Variants in TRIM43B observed in about 807,000 individuals in gnomAD.
TRIM43B encodes tripartite motif-containing protein 43B.
TRIM43B carries 15 observed loss-of-function variants against 27.0 expected under a neutral mutation model. That is an observed-to-expected ratio of 0.55 (90% CI 0.37 to 0.85). The LOEUF (loss-of-function observed/expected upper bound fraction) is 0.85, where lower values mean the gene tolerates loss of function less well. Ranked by LOEUF, TRIM43B falls within the 40% of genes least tolerant of loss-of-function variation. The pLI, the probability that TRIM43B is intolerant of heterozygous loss-of-function variation, is 0.00. For synonymous variants in TRIM43B, 69 were observed against 97.8 expected, an observed-to-expected ratio of 0.71 and a Z score of 1.74; for missense variants, 172 against 289.8, an observed-to-expected ratio of 0.59 and a Z score of 2.95.
intron 1 of TRIM43B, among the ~76,000 whole-genome samples, chr2:95,483,155 C>T (rs1034430398): frequency 6.6e-5 from 10 of 152,100 alleles, no homozygotes; most frequent in African/African-American, 1.7e-4. Context: ...TTAACTATAA[C>T]AACCATCCAT....
In TRIM43B at chr2:95,481,628, T is replaced by G. The variant is rs760824293; in HGVS notation, c.474A>C (p.Leu158=). 8.1e-6 allele frequency: 13 copies of G among 1,612,758 alleles called. 1 individual carries two copies. The highest frequency in any genetic ancestry group is 1.7e-4 in the Middle Eastern group (1 of 6,048). The change falls in exon 3 of 7, where the codon CTA becomes CTC. Residue 158 remains leucine, a synonymous_variant. Coordinates refer to ENST00000639673, the Ensembl canonical transcript of TRIM43B. Reference sequence around the variant, plus strand: ...GGAAGGCTGTTCTTCTCTCCTCATATAGATTTCTCTGATTTTCTTGAATCT... The same window carrying G: ...GGAAGGCTGTTCTTCTCTCCTCATAGAGATTTCTCTGATTTTCTTGAATCT...
intron 2 of TRIM43B, 54 bp from the exon 3 acceptor site, chr2:95,481,744 C>G: frequency 6.3e-7 from 1 of 1,577,830 alleles, no homozygotes; most frequent in South Asian, 1.2e-5. Flanking sequence ...ATTCCACCAT[C>G]TGAGTGGTAT....
intron 1 of TRIM43B, 43 bp from the exon 2 acceptor site, chr2:95,482,761 G>C (rs1173026501): frequency 5.8e-6 from 9 of 1,546,254 alleles, no homozygotes; most frequent in East Asian, 2.2e-5. Flanking sequence ...CTACCCTGGA[G>C]AGACAAAGAT....
intron 3 of TRIM43B, 115 bp from the exon 4 acceptor site, chr2:95,480,650 G>A (rs1683505576): frequency 2.3e-6 from 2 of 881,996 alleles, no homozygotes; most frequent in African/African-American, 3.4e-5. Flanking sequence ...CAAACAGGAT[G>A]ATGAGTTAAG....
chr2:95,480,582 A>C, intron 3 of TRIM43B, 47 bp from the exon 4 acceptor site: 1 of 1,599,772 alleles, frequency 6.3e-7, no homozygotes, highest in Non-Finnish European at 8.5e-7. Flanking sequence ...GCCTACTTCC[A>C]CCTCACAGAG....
intron 1 of TRIM43B, among the ~76,000 whole-genome samples, chr2:95,483,102 G>A (rs1024496895): frequency 2.0e-5 from 3 of 152,228 alleles, no homozygotes; most frequent in African/African-American, 4.8e-5. Context: ...GATTGGTTTA[G>A]AGAAGGAAAG....
intron 4 of TRIM43B, 91 bp downstream of exon 4, chr2:95,480,214 T>A: frequency 6.7e-7 from 1 of 1,495,932 alleles, no homozygotes; most frequent in Non-Finnish European, 8.9e-7. Flanking sequence ...GTGCAGGAGA[T>A]GAGGAAATAA....
chr2:95,483,693 T>C (rs1683578828), intron 1 of TRIM43B, among the ~76,000 whole-genome samples: 1 of 151,672 alleles, frequency 6.6e-6, no homozygotes, highest in Non-Finnish European at 1.5e-5. Flanking sequence ...CCGGGAGTGG[T>C]GGAGGACGCC....
intron 1 of TRIM43B, among the ~76,000 whole-genome samples, chr2:95,483,826 T>TC (rs963280363): frequency 4.0e-5 from 6 of 150,832 alleles, no homozygotes; most frequent in African/African-American, 1.2e-4. Context: ...AGACTCTGTC[T>TC]CCCCCCCAAA....
intron 2 of TRIM43B, 44 bp from the exon 3 acceptor site, chr2:95,481,734 A>G: frequency 6.3e-7 from 1 of 1,591,354 alleles, no homozygotes; most frequent in Non-Finnish European, 8.6e-7. Flanking sequence ...AATACCAAAG[A>G]TTCCACCATC....
In TRIM43B at chr2:95,483,793, A is replaced by G. The variant is rs186882457; in HGVS notation, c.-5+813T>C. On this transcript the variant is annotated intron_variant, in intron 1 of 6. Transcript: ENST00000639673. ...CAGTGAGCCGAGATAGTGCCACAGC[A>G]CTCCAGTCTGGGTAACAGAGCAAGA... is the stretch of plus-strand genomic sequence containing the variant. 5.1e-4 allele frequency among the ~76,000 whole-genome samples: 77 copies of G among 152,086 alleles called. No homozygotes were observed. The East Asian group carries it at 0.014, about 27-fold the overall frequency.
At chr2:95,483,501 GAA>G (rs2104402800) in intron 1 of TRIM43B, among the ~76,000 whole-genome samples, 1 of 152,076 alleles carries the variant, frequency 6.6e-6, no homozygotes, top group Non-Finnish European at 1.5e-5. Context: ...ACACAGTCAG[GAA>G]AAGAGTAAGT....
At chr2:95,483,691 G>C (rs1683578788) in intron 1 of TRIM43B, among the ~76,000 whole-genome samples, 1 of 151,886 alleles carries the variant, frequency 6.6e-6, no homozygotes, top group Non-Finnish European at 1.5e-5. Flanking sequence ...AGCCGGGAGT[G>C]GTGGAGGACG....
intron 3 of TRIM43B, 37 bp downstream of exon 3, chr2:95,481,558 T>C (rs1235969263): frequency 7.8e-6 from 12 of 1,532,320 alleles, no homozygotes; most frequent in Non-Finnish European, 1.1e-5. Context: ...CATGCCTGTC[T>C]CAAGCTGGTC....
chr2:95,484,287 G>C (rs548724835), intron 1 of TRIM43B, among the ~76,000 whole-genome samples: 5 of 151,896 alleles, frequency 3.3e-5, no homozygotes, highest in Non-Finnish European at 5.9e-5. Flanking sequence ...CTGAAGAATC[G>C]TTTGAACCTG....
rs1683531693 is a variant in TRIM43B at position 95,481,787 on chromosome 2, T to C, written c.412-97A>G. 8 of 1,324,048 alleles carry C rather than the reference T, an allele frequency of 6.0e-6. No homozygotes were observed. The South Asian group carries it at 9.8e-5, about 16-fold the overall frequency. 82.0% of individuals were successfully genotyped at this position (1,324,048 alleles called of 1,614,324 possible). On this transcript the variant is annotated intron_variant, in intron 2 of 6. Transcript: ENST00000639673. Reference sequence around the variant, plus strand: ...CAAGGGATCTAATATATAAATACATTAGTGAGAGGAGAAAAAAACAAAATT... The same window carrying C: ...CAAGGGATCTAATATATAAATACATCAGTGAGAGGAGAAAAAAACAAAATT...
chr2:95,481,126 C>T (rs1683513735), intron 3 of TRIM43B, among the ~76,000 whole-genome samples: 1 of 151,816 alleles, frequency 6.6e-6, no homozygotes, highest in African/African-American at 2.4e-5. Context: ...TTTTTTATCC[C>T]TTCTCCTCAG....
intron 4 of TRIM43B, 63 bp downstream of exon 4, chr2:95,480,242 G>T: frequency 1.4e-5 from 21 of 1,497,902 alleles, no homozygotes; most frequent in Non-Finnish European, 1.9e-5. Flanking sequence ...GGTACCCAAT[G>T]GAAGGCAAAG....
exon 1 of TRIM43B, chr2:95,484,639 G>C (rs973935068): frequency 6.6e-6 from 1 of 152,124 alleles, no homozygotes; most frequent in Non-Finnish European, 1.5e-5. Flanking sequence ...ACCAAAGCTT[G>C]CTGTCGAATC....
Sources: gnomAD v4.1 joint callset for allele counts (sites outside exome capture counted in the v4.1 genomes callset) on GRCh38, gnomAD v4.1.1 for gene constraint, MANE v1.5 for transcripts, NCBI Gene and HGNC (gene_info 2026-07-23, HGNC 2026-07-21) for gene names.